Variants in CHDH observed in about 807,000 individuals in gnomAD.
The protein encoded by CHDH is choline dehydrogenase, also known as choline dehydrogenase, mitochondrial.
In CHDH, 43 loss-of-function variants were observed where a neutral mutation model predicts 56.9. The ratio of observed to expected loss-of-function variants is 0.76; its 90% CI spans 0.59 to 0.97. The LOEUF is 0.97. Ranked by LOEUF, CHDH falls within the 50% of genes least tolerant of loss-of-function variation. CHDH has a pLI of 0.00. For missense variants in CHDH, 816 were observed against 821.1 expected, an observed-to-expected ratio of 0.99 and a Z score of 0.08; for synonymous variants, 364 against 348.5, an observed-to-expected ratio of 1.04 and a Z score of -0.50.
Position 53,823,885 on chromosome 3 carries a change from T to G in CHDH, c.124A>C (p.Ser42Arg), listed in dbSNP as rs375568671. 6.3e-7 allele frequency: 1 copy of G among 1,588,178 alleles called. No homozygotes were observed. Among genetic ancestry groups the G allele is most frequent in the Admixed American group, 1.7e-5 (1 of 58,274 alleles). ...SAGSESRDEYSYVVVGAGSAG... is the reference protein window; with the variant it reads ...SAGSESRDEYRYVVVGAGSAG... ...GAGCCCGCGCCCACCACCACATAGC[T>G]GTACTCGTCCCGGCTCTCAGAGCCT... Residue 42 changes from serine to arginine, a missense_variant, in exon 3 of 9, where the codon AGC becomes CGC. Physicochemically the swap from Ser to Arg is moderately radical, Grantham distance 110. Coordinates refer to ENST00000315251, the MANE Select transcript of CHDH (RefSeq NM_018397.5).
intron 6 of CHDH, among the ~76,000 whole-genome samples, chr3:53,820,210 C>T (rs1424096143): frequency 6.6e-6 from 1 of 152,214 alleles, no homozygotes; most frequent in Non-Finnish European, 1.5e-5. Context: ...GAGGAGCAGC[C>T]CCTAAGCCCC....
In CHDH at chr3:53,822,578, G is replaced by T; in HGVS notation, c.768C>A (p.Ala256=). 6.2e-7 allele frequency: 1 copy of T among 1,613,072 alleles called. No individual in the cohort carries two copies. Among genetic ancestry groups the T allele is most frequent in the Non-Finnish European group, 8.5e-7 (1 of 1,180,008 alleles). ...HPALSRTNLK[A]EAETLVSRVL... ...CCCTGCTCACAAGCGTCTCGGCCTC[G>T]GCCTTGAGGTTGGTGCGGCTCAGTG... Residue 256 remains alanine (A), a synonymous_variant, in exon 4 of 9, where the codon GCC becomes GCA. Coordinates refer to ENST00000315251, the MANE Select transcript of CHDH (RefSeq NM_018397.5).
At chr3:53,837,388 T>C (rs1270926604) in intron 2 of CHDH, among the ~76,000 whole-genome samples, 2 of 152,226 alleles carry the variant, frequency 1.3e-5, no homozygotes, top group Non-Finnish European at 2.9e-5. Flanking sequence ...CCACCTGCCC[T>C]CTGGATCCTC....
At chr3:53,836,170 T>C (rs1322205165) in intron 2 of CHDH, among the ~76,000 whole-genome samples, 2 of 152,160 alleles carry the variant, frequency 1.3e-5, no homozygotes, top group Admixed American at 6.5e-5. Flanking sequence ...GAATGAGACC[T>C]GGCTGGGCCC....
At position 53,815,517 on chromosome 3, in the gene CHDH, T is replaced by C. The variant is rs1173111854; in HGVS notation, c.*2260A>G. ...TCCTGTTTATGGCCAAATTGTGCGA[T>C]TGTGTAGAACATGGCTAAGTATTTG... On this transcript the variant is annotated 3_prime_UTR_variant, in exon 9 of 9. Transcript: ENST00000315251. 2 of 152,266 alleles carry C rather than the reference T, an allele frequency of 1.3e-5. No homozygotes were observed. Among genetic ancestry groups the C allele is most frequent in the South Asian group, 2.1e-4 (1 of 4,832 alleles). The allele number at this position is 152,266 out of a possible 1,614,324, so 9.4% of individuals were successfully genotyped here.
In CHDH at chr3:53,837,624, C is replaced by T. The variant is rs1698538101; in HGVS notation, c.-60+3305G>A. On this transcript the variant is annotated intron_variant, in intron 2 of 8. Coordinates refer to ENST00000315251, the MANE Select transcript of CHDH (RefSeq NM_018397.5). The stretch of plus-strand genomic sequence containing the variant: ...GCCCTCCTGCCTCCCCTCTGCTGCC[C>T]CACTGTGGGTGCTTCCTCAGCCTGG... 1.3e-5 allele frequency among the ~76,000 whole-genome samples: 2 copies of T among 152,318 alleles called. 1 individual carries two copies.
intron 2 of CHDH, among the ~76,000 whole-genome samples, chr3:53,828,625 G>C (rs1698233050): frequency 6.6e-6 from 1 of 152,164 alleles, no homozygotes; most frequent in South Asian, 2.1e-4. Context: ...ACAGACAGAT[G>C]GCAAAGATGC....
chr3:53,822,654 AG>A lies in CHDH; in HGVS notation c.704-13del. 6.2e-7 allele frequency: 1 copy of A among 1,604,542 alleles called. No homozygotes were observed. The highest frequency in any genetic ancestry group is 8.5e-7 in the Non-Finnish European group (1 of 1,177,806). ...GCTCCACCGTTTGCCTGCAGGATGG[AG>A]TGAGGTGGTCAGGCATGGCTCCGCC... is the stretch of plus-strand genomic sequence containing the variant. On this transcript the variant is annotated splice_polypyrimidine_tract_variant and intron_variant, in intron 3 of 8. Coordinates refer to ENST00000315251, the MANE Select transcript of CHDH (RefSeq NM_018397.5).
intron 2 of CHDH, among the ~76,000 whole-genome samples, chr3:53,834,914 C>T (rs1454888555): frequency 1.3e-5 from 2 of 152,244 alleles, no homozygotes; most frequent in Non-Finnish European, 2.9e-5. Flanking sequence ...CCGAGCCACA[C>T]CAGCCTAGTC....
At chr3:53,825,579 C>T (rs1359738053) in intron 2 of CHDH, among the ~76,000 whole-genome samples, 1 of 151,940 alleles carries the variant, frequency 6.6e-6, no homozygotes, top group Non-Finnish European at 1.5e-5. Context: ...AACTAAAGTA[C>T]AGATAACTGG....
rs1484667344 is a variant in CHDH at position 53,816,198 on chromosome 3, T to TC, written c.*1578dup. 1 of 118,352 alleles carries TC rather than the reference T, an allele frequency of 8.4e-6. No individual in the cohort carries two copies. Among genetic ancestry groups the TC allele is most frequent in the African/African-American group, 3.2e-5 (1 of 31,124 alleles). The allele number at this position is 118,352 out of a possible 1,614,324, so 7.3% of individuals were successfully genotyped here. On this transcript the variant is annotated 3_prime_UTR_variant, in exon 9 of 9. Coordinates refer to ENST00000315251, the MANE Select transcript of CHDH (RefSeq NM_018397.5). ...TCTCAGATCCGAGCAAAGCCTGGAA[T>TC]CCCCCAATTTCCTCCCGTCCTTATT...
In CHDH at chr3:53,823,659, C is replaced by A; in HGVS notation, c.350G>T (p.Gly117Val). ...YHTEVQRGLDGRVLYWPRGRV... is the reference protein window; with the variant it reads ...YHTEVQRGLDVRVLYWPRGRV... Reference sequence around the variant, plus strand: ...GCCGCGTGGCCAGTACAGCACGCGGCCGTCCAGGCCCCGCTGCACCTCTGT... The same window carrying A: ...GCCGCGTGGCCAGTACAGCACGCGGACGTCCAGGCCCCGCTGCACCTCTGT... The change falls in exon 3 of 9, where the codon GGC becomes GTC. Residue 117 changes from glycine (G) to valine (V), a missense_variant. By Grantham distance (109) the Gly-to-Val change is moderately radical. Transcript: ENST00000315251. 6.5e-7 allele frequency: 1 copy of A among 1,545,746 alleles called. No individual in the cohort carries two copies. Among genetic ancestry groups the A allele is most frequent in the Non-Finnish European group, 8.7e-7 (1 of 1,146,404 alleles).
At chr3:53,829,242 G>A (rs1226070688) in intron 2 of CHDH, among the ~76,000 whole-genome samples, 1 of 152,162 alleles carries the variant, frequency 6.6e-6, no homozygotes, top group Non-Finnish European at 1.5e-5. Context: ...CCAGGAGTTG[G>A]GAGAGGGATA....
Position 53,824,072 on chromosome 3 carries a change from A to AT in CHDH, c.-59-6_-59-5insA. 5.1e-6 allele frequency: 7 copies of AT among 1,363,848 alleles called. No homozygotes were observed. Among genetic ancestry groups the AT allele is most frequent in the Admixed American group, 3.2e-5 (1 of 30,878 alleles). 84.5% of individuals were successfully genotyped at this position (1,363,848 alleles called of 1,614,324 possible). ...AATGAGATGACTCACTTCTCCCTAA[A>AT]ACAGGAAGAGGGGCTTTAAAAATCT... On this transcript the variant is annotated splice_region_variant and splice_polypyrimidine_tract_variant and intron_variant, in intron 2 of 8. Coordinates refer to ENST00000315251, the MANE Select transcript of CHDH (RefSeq NM_018397.5).
chr3:53,832,759 A>G (rs1219198857), intron 2 of CHDH, among the ~76,000 whole-genome samples: 2 of 152,332 alleles, frequency 1.3e-5, no homozygotes, highest in African/African-American at 4.8e-5. Flanking sequence ...AAAATAGATT[A>G]GAGGTTACTA....
chr3:53,839,935 C>T (rs904590018), intron 2 of CHDH, among the ~76,000 whole-genome samples: 5 of 152,074 alleles, frequency 3.3e-5, no homozygotes, highest in Non-Finnish European at 7.3e-5. Flanking sequence ...AAATGGAGGT[C>T]GTTATGTTAA....
At position 53,818,169 on chromosome 3, in the gene CHDH, A is replaced by C. The variant is rs771597761; in HGVS notation, c.1393T>G (p.Cys465Gly). 1 of 1,610,582 alleles carries C rather than the reference A, an allele frequency of 6.2e-7. No homozygotes were observed. Among genetic ancestry groups the C allele is most frequent in the Non-Finnish European group, 8.5e-7 (1 of 1,178,794 alleles). ...TETDIEDFRLCVKLTREIFAQ... is the reference protein window; with the variant it reads ...TETDIEDFRLGVKLTREIFAQ... ...AAAATTTCTCTGGTGAGCTTCACAC[A>C]CAGACGGAAATCCTCAATATCAGTT... Residue 465 changes from cysteine to glycine, a missense_variant, in exon 9 of 9, where the codon TGT (cysteine) becomes GGT (glycine). Transcript: ENST00000315251.
chr3:53,829,574 T>C (rs911218984), intron 2 of CHDH, among the ~76,000 whole-genome samples: 2 of 152,224 alleles, frequency 1.3e-5, no homozygotes, highest in African/African-American at 4.8e-5. Flanking sequence ...TTTAAAACTA[T>C]AATAGAGCCT....
chr3:53,820,369 G>A, intron 6 of CHDH, 105 bp downstream of exon 6: 3 of 1,359,570 alleles, frequency 2.2e-6, no homozygotes, highest in South Asian at 2.9e-5. Context: ...AAATGGCATA[G>A]TTCCGCATCA....
Sources: gnomAD v4.1 joint callset for allele counts (sites outside exome capture counted in the v4.1 genomes callset) on GRCh38, gnomAD v4.1.1 for gene constraint, MANE v1.5 for transcripts, NCBI Gene and HGNC (gene_info 2026-07-23, HGNC 2026-07-21) for gene names.